The following RICTOR variants were observed in gnomAD, a reference collection of about 807,000 sequenced individuals.
RICTOR encodes the protein rapamycin-insensitive companion of mTOR.
RICTOR carries 49 observed loss-of-function variants against 214.9 expected under a neutral mutation model. The observed-to-expected ratio is 0.23, with a 90% CI of 0.18 to 0.29. The LOEUF (loss-of-function observed/expected upper bound fraction) is 0.29, where lower values mean the gene tolerates loss of function less well. Among genes scored for constraint, RICTOR ranks in the 10% least tolerant of loss-of-function variants. RICTOR has a pLI of 1.00. For synonymous variants in RICTOR, 717 were observed against 711.3 expected, an observed-to-expected ratio of 1.01 and a Z score of -0.13; for missense variants, 1,625 against 2,047.0, an observed-to-expected ratio of 0.79 and a Z score of 3.98.
intron 30 of RICTOR, among the ~76,000 whole-genome samples, chr5:38,951,951 T>C (rs1748822388): frequency 6.6e-6 from 1 of 151,974 alleles, no homozygotes; most frequent in African/African-American, 2.4e-5. Flanking sequence ...TTCTGGCACA[T>C]GGCTTATTAC....
At chr5:39,058,999 A>G (rs1264782166) in intron 2 of RICTOR, among the ~76,000 whole-genome samples, 2 of 152,188 alleles carry the variant, frequency 1.3e-5, no homozygotes, top group African/African-American at 4.8e-5. Flanking sequence ...GAAATGGAGA[A>G]GATGATTTAA....
At chr5:39,053,366 C>A (rs1302377517) in intron 2 of RICTOR, among the ~76,000 whole-genome samples, 1 of 152,156 alleles carries the variant, frequency 6.6e-6, no homozygotes, top group Non-Finnish European at 1.5e-5. Context: ...GAATACTACT[C>A]TGAGGATTAT....
chr5:39,001,305 CA>C (rs1286016981), intron 5 of RICTOR, among the ~76,000 whole-genome samples: 2 of 151,972 alleles, frequency 1.3e-5, no homozygotes, highest in Non-Finnish European at 2.9e-5. Flanking sequence ...TGATTTACAA[CA>C]AAGGTGACAC....
intron 2 of RICTOR, among the ~76,000 whole-genome samples, chr5:39,056,427 G>A (rs577577709): frequency 2.6e-5 from 4 of 152,018 alleles, no homozygotes; most frequent in Non-Finnish European, 5.9e-5. Flanking sequence ...TTGAGCCCAC[G>A]ATTCAAGACA....
intron 3 of RICTOR, among the ~76,000 whole-genome samples, chr5:39,006,195 A>G: frequency 6.6e-6 from 1 of 152,274 alleles, no homozygotes. Flanking sequence ...TTTGTACAAG[A>G]TTCTCTCTTT....
intron 5 of RICTOR, among the ~76,000 whole-genome samples, chr5:39,001,563 G>A (rs769825668): frequency 5.3e-5 from 8 of 152,034 alleles, no homozygotes; most frequent in Non-Finnish European, 1.0e-4. Flanking sequence ...ATGAACTTTT[G>A]TTCATCAAAG....
At chr5:38,957,342 C>T (rs765687685) in intron 25 of RICTOR, among the ~76,000 whole-genome samples, 1 of 151,494 alleles carries the variant, frequency 6.6e-6, no homozygotes, top group Non-Finnish European at 1.5e-5. Flanking sequence ...ATTAAGGGAC[C>T]GAAGAATGAA....
At chr5:39,007,886 T>C (rs1754202031) in intron 3 of RICTOR, among the ~76,000 whole-genome samples, 1 of 150,416 alleles carries the variant, frequency 6.6e-6, no homozygotes. Context: ...TATATACTGG[T>C]AATGGGATTG....
chr5:38,978,649 C>T lies in RICTOR; in HGVS notation c.755G>A (p.Arg252Lys), dbSNP rs1432686344. The T allele has an allele frequency of 6.8e-7, 1 of 1,479,232 alleles. No homozygotes were observed. The highest frequency in any genetic ancestry group is 9.3e-7 in the Non-Finnish European group (1 of 1,074,996). The allele number at this position is 1,479,232 out of a possible 1,614,324, so 91.6% of individuals were successfully genotyped here. The change falls in exon 9 of 38, where the codon AGA becomes AAA. Residue 252 changes from arginine (R) to lysine (K), a missense_variant and splice_region_variant. This residue lies in a region of RICTOR where 258 missense variants were observed against 393.7 expected (regional missense o/e 0.66). Coordinates refer to ENST00000357387, the MANE Select transcript of RICTOR (RefSeq NM_152756.5). ...AAAATCAGTATAGGGTGCTAAAATTCTCTATTTAAAAAAAAAAAGGAAGAA... is the reference window on the plus strand; with the variant it reads ...AAAATCAGTATAGGGTGCTAAAATTTTCTATTTAAAAAAAAAAAGGAAGAA... Reference protein sequence around the residue: ...QYVRADVELERILAPYTDFHY... With the variant: ...QYVRADVELEKILAPYTDFHY...
At chr5:39,009,134 C>A (rs1446610050) in intron 3 of RICTOR, among the ~76,000 whole-genome samples, 2 of 152,028 alleles carry the variant, frequency 1.3e-5, no homozygotes, top group Non-Finnish European at 2.9e-5. Flanking sequence ...TATACAAAGT[C>A]TTGTCCTTTA....
chr5:39,025,101 CCTT>C (rs1755711267), intron 2 of RICTOR, among the ~76,000 whole-genome samples: 2 of 152,126 alleles, frequency 1.3e-5, no homozygotes, highest in South Asian at 2.1e-4. Flanking sequence ...AAGATGTTAT[CCTT>C]CTTAACCCAA....
intron 6 of RICTOR, among the ~76,000 whole-genome samples, chr5:38,995,497 T>C (rs1160462144): frequency 6.6e-6 from 1 of 151,858 alleles, no homozygotes; most frequent in African/African-American, 2.4e-5. Flanking sequence ...GGCACAAAAA[T>C]CTCAATCACC....
intron 3 of RICTOR, among the ~76,000 whole-genome samples, chr5:39,011,477 C>G (rs1754516417): frequency 6.6e-6 from 1 of 152,184 alleles, no homozygotes; most frequent in Non-Finnish European, 1.5e-5. Context: ...AGAAGAGGGC[C>G]ACTATCCTCC....
intron 25 of RICTOR, among the ~76,000 whole-genome samples, chr5:38,957,296 T>C (rs1023607299): frequency 8.5e-5 from 13 of 152,240 alleles, no homozygotes; most frequent in African/African-American, 2.6e-4. Flanking sequence ...TTATTTTGGT[T>C]TTAGCTTAAA....
chr5:39,060,693 G>A (rs988647086), intron 2 of RICTOR, among the ~76,000 whole-genome samples: 1 of 151,996 alleles, frequency 6.6e-6, no homozygotes, highest in Non-Finnish European at 1.5e-5. Context: ...TATAGAAATG[G>A]CTAAAATATA....
rs200891418 is a variant in RICTOR, at chr5:39,066,925, A to C, written c.97+7186T>G. ...GTATCACTACCAGCATTTTGGTCACAACCATTCAACCAGTCTCTAAGAAGT... is the reference window on the plus strand; with the variant it reads ...GTATCACTACCAGCATTTTGGTCACCACCATTCAACCAGTCTCTAAGAAGT... On this transcript the variant is annotated intron_variant, in intron 2 of 37. Coordinates refer to ENST00000357387, the MANE Select transcript of RICTOR (RefSeq NM_152756.5). 5.3e-5 allele frequency among the ~76,000 whole-genome samples: 8 copies of C among 152,204 alleles called. No homozygotes were observed. In the East Asian group the frequency reaches 1.5e-3, roughly 29 times the overall value.
chr5:38,983,923 G>A (rs892251586), intron 7 of RICTOR, among the ~76,000 whole-genome samples: 1 of 152,074 alleles, frequency 6.6e-6, no homozygotes, highest in Non-Finnish European at 1.5e-5. Context: ...CTGAGATTGC[G>A]CCACTACACT....
chr5:38,980,799 T>C (rs757332372), intron 8 of RICTOR: 3 of 152,262 alleles, frequency 2.0e-5, no homozygotes, highest in Non-Finnish European at 2.9e-5. Flanking sequence ...TGAGATGTGA[T>C]TGTGCCACTA....
chr5:38,950,299 T>G lies in RICTOR; in HGVS notation c.3549A>C (p.Leu1183Phe), dbSNP rs544129708. ...CTGTACCAAAATTCTTGGTGAATTT[T>G]AAGTCATTTTCTCCAATGCTTGGTG... ...GSTPSIGEND[L>F]KFTKNFGTEN... Residue 1183 changes from leucine (L) to phenylalanine (F), a missense_variant, in exon 31 of 38, where the codon TTA becomes TTC. By Grantham distance (22) the Leu-to-Phe change is conservative (BLOSUM62 0). Around this residue, in one of 5 missense-constraint regions of RICTOR, gnomAD observed 1,214 missense variants for 1,470.5 expected, o/e 0.83. Coordinates refer to ENST00000357387, the MANE Select transcript of RICTOR (RefSeq NM_152756.5). The G allele has an allele frequency of 4.2e-5, 67 of 1,613,428 alleles. No homozygotes were observed. Among genetic ancestry groups the G allele is most frequent in the Admixed American group, 4.0e-4 (24 of 59,938 alleles).
Sources: allele counts gnomAD v4.1 joint callset (sites outside exome capture counted in the v4.1 genomes callset), GRCh38; gene constraint gnomAD v4.1.1; regional missense constraint gnomAD v4.1.1; transcripts MANE v1.5; gene names NCBI Gene and HGNC (gene_info 2026-07-23, HGNC 2026-07-21).